The following PRKCZ variants were observed in gnomAD, a reference collection of about 807,000 sequenced individuals.
The protein encoded by PRKCZ is protein kinase C zeta.
In PRKCZ, 33 loss-of-function variants were observed where a neutral mutation model predicts 79.5. That is an observed-to-expected ratio of 0.41 (90% CI 0.31 to 0.55). The LOEUF (loss-of-function observed/expected upper bound fraction) is 0.55, where lower values mean the gene tolerates loss of function less well. Among genes scored for constraint, PRKCZ ranks in the 20% least tolerant of loss-of-function variants. The probability of loss-of-function intolerance (pLI) is 0.19; values close to 1 mark genes in which losing one functional copy is unlikely to be tolerated. For synonymous variants in PRKCZ, 342 were observed against 320.9 expected, an observed-to-expected ratio of 1.07 and a Z score of -0.70; for missense variants, 578 against 813.5, an observed-to-expected ratio of 0.71 and a Z score of 3.52.
At chr1:2,167,899 C>A (rs564028116) in intron 10 of PRKCZ, among the ~76,000 whole-genome samples, 1 of 152,160 alleles carries the variant, frequency 6.6e-6, no homozygotes, top group African/African-American at 2.4e-5. Flanking sequence ...TGAGCCACCA[C>A]GCCCAGGCAC....
intron 4 of PRKCZ, among the ~76,000 whole-genome samples, chr1:2,087,759 T>C (rs1664781123): frequency 6.6e-6 from 1 of 152,156 alleles, no homozygotes; most frequent in African/African-American, 2.4e-5. Context: ...GGTTAAAACC[T>C]TCCTGCTCCC....
intron 3 of PRKCZ, 126 bp downstream of exon 3, chr1:2,056,699 A>G (rs1660195363): frequency 3.9e-6 from 3 of 773,636 alleles, no homozygotes; most frequent in Admixed American, 3.4e-5. Flanking sequence ...GGGATGTCTA[A>G]TATAATGCCA....
At chr1:2,169,722 A>G in intron 11 of PRKCZ, 118 bp downstream of exon 11, 2 of 125,386 alleles carry the variant, frequency 1.6e-5, no homozygotes, top group Non-Finnish European at 3.0e-5. Context: ...GTGCGCGCGG[A>G]GTTGGGGGGC....
At chr1:2,169,343 C>T (rs1683952414) in intron 10 of PRKCZ, 175 bp from the exon 11 acceptor site, 2 of 672,450 alleles carry the variant, frequency 3.0e-6, no homozygotes, top group South Asian at 3.0e-5. Context: ...GGCCCCGCAG[C>T]CCGTCCCCAC....
intron 4 of PRKCZ, among the ~76,000 whole-genome samples, chr1:2,114,173 C>T (rs973418620): frequency 1.3e-5 from 2 of 148,612 alleles, no homozygotes; most frequent in African/African-American, 5.0e-5. Flanking sequence ...GAGGACGCTC[C>T]GTCGTGGCCT....
chr1:2,176,452 T>C (rs1685521381), intron 16 of PRKCZ, among the ~76,000 whole-genome samples: 1 of 152,172 alleles, frequency 6.6e-6, no homozygotes, highest in South Asian at 2.1e-4. Flanking sequence ...TTCCAGCACA[T>C]GGAGGGTTTA....
In PRKCZ at chr1:2,124,340, GT is replaced by G. The variant is rs1199469348; in HGVS notation, c.335-10920del. On this transcript the variant is annotated intron_variant, in intron 4 of 17. Transcript: ENST00000378567. Reference sequence around the variant, plus strand: ...GGTGGTGGTTAGGGTCACGGTGGTGGTTAGGGTCACGGCGGTGGTTAGGGTC... The same window carrying G: ...GGTGGTGGTTAGGGTCACGGTGGTGGTAGGGTCACGGCGGTGGTTAGGGTC... Among the ~76,000 whole-genome samples the G allele has an allele frequency of 7.7e-5, 11 of 143,178 alleles. 4 individuals carry two copies. The highest frequency in any genetic ancestry group is 4.7e-4 in the South Asian group (2 of 4,288). The allele number at this position is 143,178 out of a possible 152,430, so 93.9% of individuals were successfully genotyped here.
At chr1:2,103,576 C>G (rs897334339) in intron 4 of PRKCZ, among the ~76,000 whole-genome samples, 24 of 152,094 alleles carry the variant, frequency 1.6e-4, no homozygotes, top group African/African-American at 5.8e-4. Context: ...AGCACAAACC[C>G]CGCTTCCTTG....
At chr1:2,157,532 C>A (rs1417892351) in intron 10 of PRKCZ, among the ~76,000 whole-genome samples, 2 of 152,130 alleles carry the variant, frequency 1.3e-5, no homozygotes, top group Non-Finnish European at 2.9e-5. Flanking sequence ...ATTCTCCTGC[C>A]TCAGCCTCCT....
In PRKCZ at chr1:2,068,925, C is replaced by T. The variant is rs77864107; in HGVS notation, c.334+9334C>T. On this transcript the variant is annotated intron_variant, in intron 4 of 17. Transcript: ENST00000378567. ...CGGTGCTCAGCGGAACTGAGACTGA[C>T]GCCCCTTTCGGACCCCTCTAAGAAG... 2.2e-3 allele frequency among the ~76,000 whole-genome samples: 334 copies of T among 152,308 alleles called. 2 individuals are homozygous for T. The highest frequency in any genetic ancestry group is 4.2e-3 in the Non-Finnish European group (283 of 68,016).
At chr1:2,147,992 C>T (rs1679010123) in intron 7 of PRKCZ, among the ~76,000 whole-genome samples, 1 of 147,398 alleles carries the variant, frequency 6.8e-6, no homozygotes, top group African/African-American at 2.5e-5. Flanking sequence ...GTCCACTGAC[C>T]TCTCCATCTA....
At chr1:2,148,823 C>A (rs755875721) in intron 7 of PRKCZ, 49 bp from the exon 8 acceptor site, 53 of 1,585,526 alleles carry the variant, frequency 3.3e-5, no homozygotes, top group Non-Finnish European at 6.1e-6. Flanking sequence ...GTTCCCAGTG[C>A]GTTCCTGACC....
chr1:2,085,703 CG>C (rs36156471), intron 4 of PRKCZ, among the ~76,000 whole-genome samples: 5 of 116,862 alleles, frequency 4.3e-5, no homozygotes, highest in African/African-American at 1.3e-4. Flanking sequence ...CTGAGGACGT[CG>C]GGGGGCCCTG....
intron 16 of PRKCZ, chr1:2,182,314 A>G (rs1471628498): frequency 1.2e-5 from 2 of 168,312 alleles, no homozygotes; most frequent in Non-Finnish European, 2.6e-5. Context: ...TTTTCCTGCC[A>G]AGCAGCACCT....
At chr1:2,108,585 T>C (rs1669065105) in intron 4 of PRKCZ, among the ~76,000 whole-genome samples, 2 of 152,234 alleles carry the variant, frequency 1.3e-5, no homozygotes, top group African/African-American at 4.8e-5. Context: ...GCCTCCTGCT[T>C]GCACAGCTGA....
intron 4 of PRKCZ, among the ~76,000 whole-genome samples, chr1:2,113,857 G>A (rs970851816): frequency 1.3e-5 from 2 of 152,080 alleles, no homozygotes; most frequent in African/African-American, 4.8e-5. Context: ...TGGTGTTGGG[G>A]CAGGGAGAAG....
chr1:2,101,195 T>A (rs1667385742), intron 4 of PRKCZ, among the ~76,000 whole-genome samples: 1 of 152,202 alleles, frequency 6.6e-6, no homozygotes, highest in Non-Finnish European at 1.5e-5. Context: ...CATACCTTTT[T>A]AAAACTTTTT....
At chr1:2,103,383 C>G (rs1300006046) in intron 4 of PRKCZ, among the ~76,000 whole-genome samples, 1 of 151,074 alleles carries the variant, frequency 6.6e-6, no homozygotes, top group Non-Finnish European at 1.5e-5. Flanking sequence ...TTTATCAGTT[C>G]AAGACACAGT....
At chr1:2,144,991 G>A (rs1209286292) in intron 6 of PRKCZ, 1 of 152,826 alleles carries the variant, frequency 6.5e-6, no homozygotes, top group Admixed American at 6.5e-5. Flanking sequence ...AGGGTGGCTT[G>A]TCTGCATCTT....
Sources: gnomAD v4.1 joint callset for allele counts (sites outside exome capture counted in the v4.1 genomes callset) on GRCh38, gnomAD v4.1.1 for gene constraint, MANE v1.5 for transcripts, NCBI Gene and HGNC (gene_info 2026-07-23, HGNC 2026-07-21) for gene names.